Variants in ROBO2 observed in about 807,000 individuals in gnomAD.
ROBO2 encodes the protein roundabout guidance receptor 2.
ROBO2 carries 53 observed loss-of-function variants against 160.8 expected under a neutral mutation model. The observed-to-expected ratio is 0.33, with a 90% CI of 0.26 to 0.41. The LOEUF (loss-of-function observed/expected upper bound fraction) is 0.41, where lower values mean the gene tolerates loss of function less well. Ranked by LOEUF, ROBO2 falls within the 10% of genes least tolerant of loss-of-function variation. The probability of loss-of-function intolerance (pLI) is 1.00; values close to 1 mark genes in which losing one functional copy is unlikely to be tolerated. For missense variants in ROBO2, 1,577 were observed against 1,722.4 expected (o/e 0.92, Z 1.49); for synonymous variants, 664 against 611.7 (o/e 1.09, Z -1.26).
At chr3:76,962,132 C>G (rs2079710098) in intron 2 of ROBO2, among the ~76,000 whole-genome samples, 1 of 152,088 alleles carries the variant, frequency 6.6e-6, no homozygotes, top group African/African-American at 2.4e-5. Flanking sequence ...GTCAGGAGTT[C>G]AAGACCAGAC....
chr3:77,543,101 T>C lies in ROBO2; in HGVS notation c.935-3237T>C, dbSNP rs2092547341. Among the ~76,000 whole-genome samples, 15 of 152,248 alleles carry C rather than the reference T, an allele frequency of 9.9e-5. No individual in the cohort carries two copies. In the South Asian group the frequency reaches 3.1e-3, roughly 32 times the overall value. ...TTACCACTCTTCGCCTAGTCAGCTC[T>C]TAGTTGTCCTCCAAAGTACAGCTCT... On this transcript the variant is annotated intron_variant, in intron 6 of 25. Coordinates refer to ENST00000461745, the Ensembl canonical transcript of ROBO2.
chr3:76,402,027 C>CAAAT lies in ROBO2; in HGVS notation c.109+464427_109+464430dup, dbSNP rs530407151. ...CACTAAGAAGACGTGAATGCTTGAACAAATATAAGCCTTGGTGTCTCTGAA... is the reference window on the plus strand; with the variant it reads ...CACTAAGAAGACGTGAATGCTTGAACAAATAAATATAAGCCTTGGTGTCTCTGAA... On this transcript the variant is annotated intron_variant, in intron 2 of 26. Transcript: ENST00000487694. Among the ~76,000 whole-genome samples the CAAAT allele has an allele frequency of 4.0e-3, 607 of 151,624 alleles. 3 individuals are homozygous for CAAAT. The highest frequency in any genetic ancestry group is 7.0e-3 in the Admixed American group (106 of 15,152).
At chr3:76,148,588 C>T (rs913636011) in intron 2 of ROBO2, among the ~76,000 whole-genome samples, 1 of 152,074 alleles carries the variant, frequency 6.6e-6, no homozygotes. Context: ...CACCAACCTT[C>T]TGGAGCCTCC....
At chr3:76,717,058 A>T (rs889668824) in intron 2 of ROBO2, among the ~76,000 whole-genome samples, 1 of 152,164 alleles carries the variant, frequency 6.6e-6, no homozygotes, top group Admixed American at 6.5e-5. Flanking sequence ...TGTGAAGGTG[A>T]TATCTGGCGT....
At chr3:76,016,871 A>G (rs1375437407) in intron 2 of ROBO2, among the ~76,000 whole-genome samples, 3 of 152,136 alleles carry the variant, frequency 2.0e-5, no homozygotes, top group East Asian at 1.9e-4. Context: ...CAGGAAAAAC[A>G]GACAAATGAA....
chr3:77,039,927 CCTTTCTCCGCCGCGCCCGGGCTGGG>C (rs2149603448), exon 1 of ROBO2: 1 of 191,300 alleles, frequency 5.2e-6, no homozygotes, highest in East Asian at 1.9e-4. Flanking sequence ...CTGAGCGCTC[CCTTTCTCCGCCGCGCCCGGGCTGGG>C]CTCTCACGCC....
chr3:77,233,674 T>C (rs941664557), intron 2 of ROBO2, among the ~76,000 whole-genome samples: 2 of 152,342 alleles, frequency 1.3e-5, no homozygotes, highest in African/African-American at 2.4e-5. Flanking sequence ...TATTTAATAA[T>C]TGAAATCAAG....
At chr3:76,028,815 GA>G (rs1278378061) in intron 2 of ROBO2, among the ~76,000 whole-genome samples, 1 of 151,868 alleles carries the variant, frequency 6.6e-6, no homozygotes, top group Non-Finnish European at 1.5e-5. Context: ...AAAATGCCAT[GA>G]TTATTAAAAA....
intron 2 of ROBO2, among the ~76,000 whole-genome samples, chr3:76,963,546 G>T (rs1344433794): frequency 6.6e-6 from 1 of 152,076 alleles, no homozygotes; most frequent in Non-Finnish European, 1.5e-5. Context: ...ATATTTCACA[G>T]AAAATTTGGT....
intron 2 of ROBO2, among the ~76,000 whole-genome samples, chr3:76,951,924 C>G (rs1448458635): frequency 6.6e-6 from 1 of 152,216 alleles, no homozygotes; most frequent in Admixed American, 6.5e-5. Context: ...CTCCAATTAT[C>G]TATTCAAGTT....
chr3:76,961,069 A>G (rs1040148344), intron 2 of ROBO2, among the ~76,000 whole-genome samples: 1 of 152,046 alleles, frequency 6.6e-6, no homozygotes, highest in Non-Finnish European at 1.5e-5. Context: ...TAAGATTTCA[A>G]TTTGGACCAA....
At chr3:77,646,458 T>C (rs1170829245) in exon 26 of ROBO2, 1 of 164,338 alleles carries the variant, frequency 6.1e-6, no homozygotes, top group Admixed American at 6.4e-5. Flanking sequence ...ATATTAACTT[T>C]TAATTGTGTA....
chr3:76,763,572 CT>C (rs10715785), intron 2 of ROBO2, among the ~76,000 whole-genome samples: 126,611 of 151,094 alleles, frequency 0.84, 53,148 homozygotes, highest in Admixed American at 0.86. Context: ...TTTCCATCAT[CT>C]TTTTTTTTAC....
chr3:77,580,605 C>T (rs1268898450), intron 16 of ROBO2, among the ~76,000 whole-genome samples: 2 of 152,086 alleles, frequency 1.3e-5, no homozygotes, highest in South Asian at 2.1e-4. Context: ...ATTGTTCCCT[C>T]TTATCATAGA....
At chr3:76,339,853 TTGTAA>T (rs1212957036) in intron 2 of ROBO2, among the ~76,000 whole-genome samples, 5 of 152,158 alleles carry the variant, frequency 3.3e-5, no homozygotes, top group Non-Finnish European at 7.4e-5. Flanking sequence ...AATTAAAATC[TTGTAA>T]TGTTTGTGTC....
intron 2 of ROBO2, among the ~76,000 whole-genome samples, chr3:76,875,963 T>C (rs192601756): frequency 2.6e-5 from 4 of 152,138 alleles, no homozygotes. Flanking sequence ...CCTGCCTCCT[T>C]CTTATAAAGA....
At chr3:77,526,035 C>G (rs1329146965) in intron 6 of ROBO2, among the ~76,000 whole-genome samples, 1 of 151,384 alleles carries the variant, frequency 6.6e-6, no homozygotes, top group Non-Finnish European at 1.5e-5. Context: ...CTGCCCCTCA[C>G]TCCCCTGCAA....
At chr3:77,646,902 A>T (rs2095416250) in exon 26 of ROBO2, 1 of 152,590 alleles carries the variant, frequency 6.6e-6, no homozygotes, top group Admixed American at 6.5e-5. Flanking sequence ...TCTGAGAATT[A>T]CAATAAGCAA....
intron 2 of ROBO2, among the ~76,000 whole-genome samples, chr3:77,151,081 G>A (rs2150524850): frequency 6.6e-6 from 1 of 152,052 alleles, no homozygotes; most frequent in African/African-American, 2.4e-5. Context: ...GCTTAAAAGG[G>A]GTACTCAAAT....
Sources: gnomAD v4.1 joint callset for allele counts (sites outside exome capture counted in the v4.1 genomes callset) on GRCh38, gnomAD v4.1.1 for gene constraint, MANE v1.5 for transcripts, NCBI Gene and HGNC (gene_info 2026-07-23, HGNC 2026-07-21) for gene names.